PTPN14: variants seen among roughly 807,000 people sequenced by gnomAD.
PTPN14 encodes the protein protein tyrosine phosphatase non-receptor type 14, also known as tyrosine-protein phosphatase non-receptor type 14.
Under a neutral mutation model 126.8 loss-of-function variants are expected in PTPN14, and 53 were observed. That is an observed-to-expected ratio of 0.42 (90% CI 0.34 to 0.53). The LOEUF (loss-of-function observed/expected upper bound fraction) is 0.53. PTPN14 is among the 20% of genes least tolerant of loss of function. The pLI, the probability that PTPN14 is intolerant of heterozygous loss-of-function variation, is 0.08. For missense variants in PTPN14, 1,257 were observed against 1,552.9 expected (o/e 0.81, Z 3.20); for synonymous variants, 630 against 599.3 (o/e 1.05, Z -0.75).
chr1:214,482,206 CT>C (rs61017156), intron 1 of PTPN14, among the ~76,000 whole-genome samples: 4,297 of 142,998 alleles, frequency 0.03, 111 homozygotes, highest in African/African-American at 0.075. Flanking sequence ...CCAGTAACAA[CT>C]TTTTTTTTTT....
At chr1:214,386,814 T>TA (rs1658625853) in intron 12 of PTPN14, 30 bp downstream of exon 12, 5 of 1,536,026 alleles carry the variant, frequency 3.3e-6, no homozygotes, top group Non-Finnish European at 4.5e-6. Flanking sequence ...CTTTTTGTCT[T>TA]AAGAAGGGAG....
intron 9 of PTPN14, among the ~76,000 whole-genome samples, chr1:214,394,668 A>G (rs952965688): frequency 2.6e-4 from 40 of 152,312 alleles, no homozygotes; most frequent in African/African-American, 9.6e-4. Flanking sequence ...TCGGCCTCCC[A>G]AAGTGTTGGG....
intron 1 of PTPN14, among the ~76,000 whole-genome samples, chr1:214,505,560 C>T (rs1654820252): frequency 6.6e-6 from 1 of 152,154 alleles, no homozygotes; most frequent in African/African-American, 2.4e-5. Context: ...TCTCAAGAGG[C>T]TTAGCTACAA....
intron 2 of PTPN14, among the ~76,000 whole-genome samples, chr1:214,463,572 A>T (rs1660560608): frequency 6.6e-6 from 1 of 152,180 alleles, no homozygotes; most frequent in Non-Finnish European, 1.5e-5. Flanking sequence ...CGTCTTTAGA[A>T]GGGACTTTCA....
At chr1:214,450,036 C>T (rs145170337) in intron 3 of PTPN14, among the ~76,000 whole-genome samples, 1,590 of 151,500 alleles carry the variant, frequency 0.01, 30 homozygotes, top group African/African-American at 0.036. Flanking sequence ...AGGAGGCTGA[C>T]GCAGGAGGAT....
chr1:214,534,062 C>T (rs956885051), intron 1 of PTPN14, among the ~76,000 whole-genome samples: 5 of 152,016 alleles, frequency 3.3e-5, no homozygotes, highest in East Asian at 3.9e-4. Context: ...TACCATCATT[C>T]GTAATTACAA....
chr1:214,532,534 A>G (rs950971547), intron 1 of PTPN14: 2 of 1,036,646 alleles, frequency 1.9e-6, no homozygotes, highest in South Asian at 1.3e-5. Context: ...CACCTGGAGA[A>G]GAAGGGACCC....
intron 7 of PTPN14, among the ~76,000 whole-genome samples, chr1:214,398,613 A>ATTTTTTT (rs56339386): frequency 0.11 from 11,557 of 108,366 alleles, 1,051 homozygotes; most frequent in African/African-American, 0.14. Context: ...TGCCCTGCTA[A>ATTTTTTT]TTTTTTTTTT....
At chr1:214,463,929 T>C (rs963865789) in intron 2 of PTPN14, among the ~76,000 whole-genome samples, 1 of 152,158 alleles carries the variant, frequency 6.6e-6, no homozygotes, top group Non-Finnish European at 1.5e-5. Context: ...CCTAAACGTC[T>C]GTATGACTGA....
intron 18 of PTPN14, among the ~76,000 whole-genome samples, chr1:214,360,382 A>C (rs1333295300): frequency 6.6e-6 from 1 of 152,202 alleles, no homozygotes; most frequent in Non-Finnish European, 1.5e-5. Flanking sequence ...TCCCTGCCTA[A>C]TAAGAAAAGA....
rs1658162982 is a variant in PTPN14 at position 214,369,543 on chromosome 1, A to G, written c.3185T>C (p.Leu1062Ser). 3.1e-6 allele frequency: 5 copies of G among 1,614,054 alleles called. No individual in the cohort carries two copies. The East Asian group carries it at 6.7e-5, about 22-fold the overall frequency. ...CCACACCGTCCTTTCTTGCCCAGAC[A>G]AAAGGTGCTTGACCTTCAAGCCCGT... is the stretch of plus-strand genomic sequence containing the variant. The part of the protein sequence containing the change: ...ATTGLKVKHL[L>S]SGQERTVWHL... Residue 1062 changes from leucine to serine, a missense_variant, in exon 17 of 19, where the codon TTG becomes TCG. By Grantham distance (145) the Leu-to-Ser change is moderately radical. This residue lies in a region of PTPN14 where 171 missense variants were observed against 229.8 expected (regional missense o/e 0.74). Coordinates refer to ENST00000366956, the MANE Select transcript of PTPN14 (RefSeq NM_005401.5).
intron 6 of PTPN14, 54 bp downstream of exon 6, chr1:214,402,829 A>T: frequency 6.3e-7 from 1 of 1,581,500 alleles, no homozygotes; most frequent in Non-Finnish European, 8.7e-7. Context: ...CTCCTGCCCC[A>T]TGGGCTGTAA....
At position 214,354,386 on chromosome 1, in the gene PTPN14, A is replaced by C. The variant is rs893850345; in HGVS notation, c.*3536T>G. The C allele has an allele frequency of 6.6e-6, 1 of 152,220 alleles. No homozygotes were observed. Among genetic ancestry groups the C allele is most frequent in the African/African-American group, 2.4e-5 (1 of 41,458 alleles). 9.4% of individuals were successfully genotyped at this position (152,220 alleles called of 1,614,324 possible). On this transcript the variant is annotated 3_prime_UTR_variant, in exon 19 of 19. Coordinates refer to ENST00000366956, the MANE Select transcript of PTPN14 (RefSeq NM_005401.5). ...CATTCATCTTTACTCCTATGTAATC[A>C]ATGTTTAACATCCTTTTTTCATGCA...
At chr1:214,414,492 G>GT in intron 4 of PTPN14, 137 bp downstream of exon 4, 1 of 835,400 alleles carries the variant, frequency 1.2e-6, no homozygotes, top group Non-Finnish European at 1.9e-6. Flanking sequence ...CATTTTTCAC[G>GT]TAAGATAACT....
At chr1:214,517,268 G>T (rs908538046) in intron 1 of PTPN14, among the ~76,000 whole-genome samples, 1 of 151,068 alleles carries the variant, frequency 6.6e-6, no homozygotes, top group African/African-American at 2.5e-5. Context: ...CAAACTTTAT[G>T]TATGTATGAC....
At chr1:214,398,205 G>A (rs1054943823) in intron 7 of PTPN14, among the ~76,000 whole-genome samples, 2 of 152,214 alleles carry the variant, frequency 1.3e-5, no homozygotes, top group Admixed American at 6.5e-5. Flanking sequence ...TGGAATTGGA[G>A]AACACAATGC....
At chr1:214,362,369 C>T (rs1657976192) in intron 18 of PTPN14, among the ~76,000 whole-genome samples, 1 of 152,224 alleles carries the variant, frequency 6.6e-6, no homozygotes, top group Non-Finnish European at 1.5e-5. Context: ...GGGTTGACCA[C>T]GTCCCAGCAA....
chr1:214,387,755 A>T (rs1658657845), intron 11 of PTPN14, among the ~76,000 whole-genome samples: 1 of 152,094 alleles, frequency 6.6e-6, no homozygotes, highest in African/African-American at 2.4e-5. Context: ...AATAAGGGGG[A>T]CACCTGTTTT....
chr1:214,369,407 A>G, intron 17 of PTPN14, 50 bp downstream of exon 17: 1 of 1,532,978 alleles, frequency 6.5e-7, no homozygotes, highest in Non-Finnish European at 9.0e-7. Flanking sequence ...AATTATTGAC[A>G]CAGATCATAA....
Sources: allele counts gnomAD v4.1 joint callset (sites outside exome capture counted in the v4.1 genomes callset), GRCh38; gene constraint gnomAD v4.1.1; regional missense constraint gnomAD v4.1.1; transcripts MANE v1.5; gene names NCBI Gene and HGNC (gene_info 2026-07-23, HGNC 2026-07-21).